Variants in ANK3 observed in about 807,000 individuals in gnomAD.
ANK3 encodes ankyrin-3.
A neutral mutation model predicts 370.9 loss-of-function variants in ANK3; 57 were observed. The ratio of observed to expected loss-of-function variants is 0.15; its 90% CI spans 0.12 to 0.19. The LOEUF is 0.19. ANK3 is among the 10% of genes least tolerant of loss of function. The pLI is 1.00. For missense variants in ANK3, 4,439 were observed against 5,302.1 expected (o/e 0.84, Z 5.06); for synonymous variants, 1,929 against 1,946.3 (o/e 0.99, Z 0.23).
intron 1 of ANK3, among the ~76,000 whole-genome samples, chr10:60,358,142 A>C (rs79117793): frequency 1.7e-3 from 247 of 147,940 alleles, no homozygotes; most frequent in Admixed American, 2.9e-3. Flanking sequence ...ACACACACAC[A>C]CCCAAAACTT....
chr10:60,572,642 C>T (rs2077627322), intron 2 of ANK3: 1 of 1,459,460 alleles, frequency 6.9e-7, no homozygotes, highest in Non-Finnish European at 9.0e-7. Context: ...CGGGTGCTCC[C>T]CAGGCAAAGC....
intron 2 of ANK3, among the ~76,000 whole-genome samples, chr10:60,469,651 ATATGGTGG>A (rs1256232327): frequency 1.9e-4 from 3 of 15,794 alleles, no homozygotes; most frequent in East Asian, 3.0e-3. Flanking sequence ...ATATATATAT[ATATGGTGG>A]TATATATATA....
chr10:60,563,105 A>T (rs941129612), intron 2 of ANK3, among the ~76,000 whole-genome samples: 2 of 152,216 alleles, frequency 1.3e-5, no homozygotes, highest in Non-Finnish European at 2.9e-5. Flanking sequence ...TTGATAAATC[A>T]CAATTCATTA....
rs2072602599 is a variant in ANK3, at chr10:60,028,654, CT to C, written c.*1191del. On this transcript the variant is annotated 3_prime_UTR_variant, in exon 44 of 44. Coordinates refer to ENST00000280772, the MANE Select transcript of ANK3 (RefSeq NM_020987.5). ...TTGGCTTACTGAAAGGTGTCTACATCTTATAGCCAGTACACAATACAGTAAT... is the reference window on the plus strand; with the variant it reads ...TTGGCTTACTGAAAGGTGTCTACATCTATAGCCAGTACACAATACAGTAAT... 6.6e-6 allele frequency: 1 copy of C among 152,596 alleles called. No homozygotes were observed. Among genetic ancestry groups the C allele is most frequent in the African/African-American group, 2.4e-5 (1 of 41,440 alleles). The allele number at this position is 152,596 out of a possible 1,614,324, so 9.5% of individuals were successfully genotyped here.
chr10:60,437,205 T>C (rs976494753), intron 2 of ANK3, among the ~76,000 whole-genome samples: 3 of 151,980 alleles, frequency 2.0e-5, no homozygotes, highest in African/African-American at 4.8e-5. Context: ...ATGGTCCTGA[T>C]AGAGGAAGTT....
intron 2 of ANK3, among the ~76,000 whole-genome samples, chr10:60,438,111 T>G (rs905168242): frequency 6.6e-6 from 1 of 152,184 alleles, no homozygotes; most frequent in Non-Finnish European, 1.5e-5. Flanking sequence ...TGGTCATACC[T>G]AATTTTCTAC....
At chr10:60,084,969 G>A in intron 31 of ANK3, 139 bp from the exon 32 acceptor site, 2 of 766,594 alleles carry the variant, frequency 2.6e-6, no homozygotes, top group Admixed American at 3.3e-5. Context: ...AAACAGCAAA[G>A]ATGCTTTTTC....
In ANK3 at chr10:60,674,020, C is replaced by G. The variant is rs147629079; in HGVS notation, c.58-58796G>C. 2.7e-3 allele frequency among the ~76,000 whole-genome samples: 418 copies of G among 152,200 alleles called. 1 individual carries two copies. The highest frequency in any genetic ancestry group is 9.8e-3 in the African/African-American group (407 of 41,526). Reference sequence around the variant, plus strand: ...GCAGTACATGAGTTTGGGCCAAAGCCTACTGGAGCCATAAATGTTTAGTAG... The same window carrying G: ...GCAGTACATGAGTTTGGGCCAAAGCGTACTGGAGCCATAAATGTTTAGTAG... On this transcript the variant is annotated intron_variant, in intron 1 of 43. Transcript: ENST00000373827.
intron 1 of ANK3, among the ~76,000 whole-genome samples, chr10:60,340,375 A>G (rs1291924036): frequency 6.6e-6 from 1 of 152,112 alleles, no homozygotes; most frequent in Non-Finnish European, 1.5e-5. Context: ...CTGGGGCTAC[A>G]AGTTGTATAT....
At chr10:60,661,833 T>C (rs528620498) in intron 1 of ANK3, among the ~76,000 whole-genome samples, 8 of 152,250 alleles carry the variant, frequency 5.3e-5, no homozygotes, top group African/African-American at 1.4e-4. Flanking sequence ...TCTGGCTCCG[T>C]TGGGCTACAA....
intron 2 of ANK3, among the ~76,000 whole-genome samples, chr10:60,452,255 T>C (rs2064626325): frequency 6.6e-6 from 1 of 152,220 alleles, no homozygotes; most frequent in Non-Finnish European, 1.5e-5. Context: ...GTTTCTTGGC[T>C]ATTCATGCTG....
intron 2 of ANK3, among the ~76,000 whole-genome samples, chr10:60,461,269 A>G (rs141723891): frequency 6.2e-4 from 94 of 152,294 alleles, no homozygotes; most frequent in African/African-American, 2.2e-3. Flanking sequence ...CTAAACCACA[A>G]TCAATGAATG....
intron 1 of ANK3, among the ~76,000 whole-genome samples, chr10:60,691,285 C>A (rs781637679): frequency 1.3e-5 from 2 of 151,978 alleles, no homozygotes; most frequent in Non-Finnish European, 2.9e-5. Context: ...CATGTACCCC[C>A]GAATCTAAAT....
At chr10:60,329,904 A>G (rs2050802257) in intron 1 of ANK3, among the ~76,000 whole-genome samples, 1 of 152,242 alleles carries the variant, frequency 6.6e-6, no homozygotes, top group East Asian at 1.9e-4. Flanking sequence ...GGCTACAGTA[A>G]CCAAAACAGC....
chr10:60,636,200 T>C (rs1232089459), intron 1 of ANK3, among the ~76,000 whole-genome samples: 1 of 152,226 alleles, frequency 6.6e-6, no homozygotes, highest in Non-Finnish European at 1.5e-5. Flanking sequence ...TTAATTTCTA[T>C]ATCCACAATG....
rs1264108198 is a variant in ANK3 at position 60,200,207 on chromosome 10, G to A, written c.1413C>T (p.His471=). Residue 471 remains histidine, a synonymous_variant, in exon 13 of 44, where the codon CAC becomes CAT. Coordinates refer to ENST00000280772, the MANE Select transcript of ANK3 (RefSeq NM_020987.5). ...CAGCTTGGCCGGAGCGAGCTGCCAT[G>A]TGCAGTGCTGTTTCTCCTCTCTGGG... ...TTNVRGETAL[H]MAARSGQAEV... 6.2e-7 allele frequency: 1 copy of A among 1,614,114 alleles called. No individual in the cohort carries two copies. Among genetic ancestry groups the A allele is most frequent in the Admixed American group, 1.7e-5 (1 of 60,014 alleles).
At chr10:60,670,689 C>A (rs538569538) in intron 1 of ANK3, among the ~76,000 whole-genome samples, 38 of 152,284 alleles carry the variant, frequency 2.5e-4, no homozygotes, top group South Asian at 8.3e-4. Flanking sequence ...CCCCCACACC[C>A]AGTTTCCCTT....
chr10:60,244,850 T>C (rs956833496), intron 7 of ANK3, among the ~76,000 whole-genome samples: 7 of 152,222 alleles, frequency 4.6e-5, no homozygotes, highest in Non-Finnish European at 1.0e-4. Flanking sequence ...AATCAATAAA[T>C]GTTTGATAAA....
rs187010477 is a variant in ANK3, at chr10:60,478,332, G to T, written c.96+136854C>A. Among the ~76,000 whole-genome samples the T allele has an allele frequency of 1.7e-3, 263 of 151,994 alleles. 1 individual carries two copies. The highest frequency in any genetic ancestry group is 3.1e-3 in the Non-Finnish European group (211 of 67,918). ...GTTCGTAACAGTCACATATTTTTCT[G>T]CAATGCTAAAAAAATCTGTAGCTAT... On this transcript the variant is annotated intron_variant, in intron 2 of 43. Coordinates refer to the ANK3 transcript ENST00000373827.
Sources: allele counts gnomAD v4.1 joint callset (sites outside exome capture counted in the v4.1 genomes callset), GRCh38; gene constraint gnomAD v4.1.1; transcripts MANE v1.5; gene names NCBI Gene and HGNC (gene_info 2026-07-23, HGNC 2026-07-21).